Variants in LHFPL2 observed in about 807,000 individuals in gnomAD.
The protein encoded by LHFPL2 is LHFPL tetraspan subfamily member 2, also known as LHFPL tetraspan subfamily member 2 protein.
A neutral mutation model predicts 17.5 loss-of-function variants in LHFPL2; 7 were observed. The ratio of observed to expected loss-of-function variants is 0.40; its 90% CI spans 0.23 to 0.75. The LOEUF is 0.75. LHFPL2 is among the 30% of genes least tolerant of loss of function. The pLI is 0.37. For synonymous variants in LHFPL2, 134 were observed against 116.2 expected (o/e 1.15, Z -0.99); for missense variants, 241 against 294.8 (o/e 0.82, Z 1.34).
intron 4 of LHFPL2, chr5:78,494,519 G>C (rs1239725193): frequency 1.0e-6 from 1 of 985,270 alleles, no homozygotes; most frequent in African/African-American, 1.7e-5. Context: ...GGGATCACAT[G>C]ATTCAACCTT....
At chr5:78,504,475 T>C (rs1056072900) in intron 4 of LHFPL2, among the ~76,000 whole-genome samples, 1 of 152,118 alleles carries the variant, frequency 6.6e-6, no homozygotes, top group Non-Finnish European at 1.5e-5. Flanking sequence ...AGATCAGTCA[T>C]GGGGTTGGGC....
In LHFPL2 at chr5:78,543,628, C is replaced by T. The variant is rs182918398; in HGVS notation, c.-186+21185G>A. ...CTGGCTGCAGGGATGAGGTCAGGAG[C>T]CAGCAAAGCCCAGGGCAGCCCCACT... On this transcript the variant is annotated intron_variant, in intron 3 of 4. Coordinates refer to ENST00000380345, the MANE Select transcript of LHFPL2 (RefSeq NM_005779.3). 2.1e-3 allele frequency among the ~76,000 whole-genome samples: 314 copies of T among 152,264 alleles called. 1 individual carries two copies. Among genetic ancestry groups the T allele is most frequent in the African/African-American group, 7.1e-3 (295 of 41,552 alleles).
chr5:78,496,347 G>T (rs895846503), intron 4 of LHFPL2, among the ~76,000 whole-genome samples: 1 of 152,206 alleles, frequency 6.6e-6, no homozygotes, highest in Non-Finnish European at 1.5e-5. Context: ...TGCTAGGTGT[G>T]TCACACAACT....
At chr5:78,505,241 C>A (rs1008156086) in intron 4 of LHFPL2, among the ~76,000 whole-genome samples, 2 of 152,248 alleles carry the variant, frequency 1.3e-5, no homozygotes, top group African/African-American at 4.8e-5. Context: ...AAAAAGCCAA[C>A]CCTGCTGGCT....
At chr5:78,644,526 C>A in intron 1 of LHFPL2, 1 of 588,486 alleles carries the variant, frequency 1.7e-6, no homozygotes, top group Non-Finnish European at 3.1e-6. Flanking sequence ...TTGGGCGACA[C>A]TCAGAATAGA....
At chr5:78,613,000 G>C (rs1389936425) in intron 2 of LHFPL2, among the ~76,000 whole-genome samples, 2 of 152,300 alleles carry the variant, frequency 1.3e-5, no homozygotes, top group Non-Finnish European at 1.5e-5. Flanking sequence ...TCTCCTGGTA[G>C]ACAAAGCACC....
rs564209098 is a variant in LHFPL2 at position 78,529,205 on chromosome 5, G to A, written c.-185-18807C>T. Among the ~76,000 whole-genome samples, 4 of 152,268 alleles carry A rather than the reference G, an allele frequency of 2.6e-5. No homozygotes were observed. The East Asian group carries it at 7.7e-4, about 29-fold the overall frequency. On this transcript the variant is annotated intron_variant, in intron 3 of 4. Transcript: ENST00000380345. ...GGAGGCTGAGGTGGGAGGATCACTT[G>A]AGCCCAGGGGTTCAAGGCTGCAGTG...
chr5:78,503,634 G>A (rs150839667), intron 4 of LHFPL2, among the ~76,000 whole-genome samples: 2 of 152,150 alleles, frequency 1.3e-5, no homozygotes, highest in South Asian at 4.1e-4. Context: ...GGAGGCAGAG[G>A]TTGCAGTGAG....
At chr5:78,506,615 C>A (rs767902492) in intron 4 of LHFPL2, among the ~76,000 whole-genome samples, 3 of 152,220 alleles carry the variant, frequency 2.0e-5, no homozygotes, top group Non-Finnish European at 4.4e-5. Flanking sequence ...GATTCAAGAA[C>A]CACAGCTGCC....
chr5:78,534,922 T>A (rs1223763998), intron 3 of LHFPL2, among the ~76,000 whole-genome samples: 1 of 152,188 alleles, frequency 6.6e-6, no homozygotes, highest in East Asian at 1.9e-4. Context: ...AACTTCAGCT[T>A]TGCAGATCTT....
At position 78,486,922 on chromosome 5, in the gene LHFPL2, TTG is replaced by T. The variant is rs762318679; in HGVS notation, c.*1973_*1974del. The T allele has an allele frequency of 9.2e-5, 14 of 152,296 alleles. No homozygotes were observed. Among genetic ancestry groups the T allele is most frequent in the Middle Eastern group, 3.4e-3 (1 of 294 alleles). The allele number at this position is 152,296 out of a possible 1,614,324, so 9.4% of individuals were successfully genotyped here. On this transcript the variant is annotated 3_prime_UTR_variant, in exon 5 of 5. Coordinates refer to ENST00000380345, the MANE Select transcript of LHFPL2 (RefSeq NM_005779.3). Reference sequence around the variant, plus strand: ...CTTCTGATAAGTTTATGGAAAAATTTTGTGTTTTTCATCAAGGTTTGAGACTT... The same window carrying T: ...CTTCTGATAAGTTTATGGAAAAATTTTGTTTTTCATCAAGGTTTGAGACTT...
At chr5:78,528,693 T>C (rs1417655358) in intron 3 of LHFPL2, among the ~76,000 whole-genome samples, 1 of 152,226 alleles carries the variant, frequency 6.6e-6, no homozygotes, top group Admixed American at 6.5e-5. Context: ...GTTATGTATG[T>C]GTACCCACTA....
In LHFPL2 at chr5:78,497,880, C is replaced by T. The variant is rs143112877; in HGVS notation, c.431-8727G>A. On this transcript the variant is annotated intron_variant, in intron 4 of 4. Transcript: ENST00000380345. The stretch of plus-strand genomic sequence containing the variant: ...AGTAGTCAGTTGATTAAATGTAATA[C>T]ACTTTCAGGTATCTAGACACCAGCC... 2.0e-5 allele frequency among the ~76,000 whole-genome samples: 3 copies of T among 152,354 alleles called. No individual in the cohort carries two copies. In the East Asian group the frequency reaches 5.8e-4, roughly 29 times the overall value.
At chr5:78,617,110 C>T (rs989093847) in intron 2 of LHFPL2, among the ~76,000 whole-genome samples, 1 of 151,584 alleles carries the variant, frequency 6.6e-6, no homozygotes, top group Non-Finnish European at 1.5e-5. Flanking sequence ...CTCACTACAA[C>T]CTCCGCCTCC....
chr5:78,496,984 T>C (rs1754627428), intron 4 of LHFPL2, among the ~76,000 whole-genome samples: 1 of 152,230 alleles, frequency 6.6e-6, no homozygotes. Context: ...CAGATGTGCA[T>C]ATCCAGCTGT....
chr5:78,618,442 T>C (rs1379766463), intron 2 of LHFPL2, among the ~76,000 whole-genome samples: 2 of 152,164 alleles, frequency 1.3e-5, no homozygotes, highest in African/African-American at 4.8e-5. Flanking sequence ...ATTCGGCCGG[T>C]GGACGGGCTG....
chr5:78,506,663 T>C (rs1455352552), intron 4 of LHFPL2, among the ~76,000 whole-genome samples: 1 of 152,130 alleles, frequency 6.6e-6, no homozygotes, highest in Non-Finnish European at 1.5e-5. Flanking sequence ...AGACCTCCAA[T>C]AGGGGAGAAA....
intron 4 of LHFPL2, among the ~76,000 whole-genome samples, chr5:78,492,111 A>G (rs11952677): frequency 0.2 from 29,946 of 152,074 alleles, 3,910 homozygotes; most frequent in Non-Finnish European, 0.28. Context: ...CCAGGTCCTA[A>G]GGTGCCACTC....
At chr5:78,550,317 G>T (rs540156584) in intron 3 of LHFPL2, among the ~76,000 whole-genome samples, 1 of 152,184 alleles carries the variant, frequency 6.6e-6, no homozygotes, top group East Asian at 1.9e-4. Flanking sequence ...ATGAGAACAT[G>T]ATGATCCCAA....
Sources: gnomAD v4.1 joint callset for allele counts (sites outside exome capture counted in the v4.1 genomes callset) on GRCh38, gnomAD v4.1.1 for gene constraint, MANE v1.5 for transcripts, NCBI Gene and HGNC (gene_info 2026-07-23, HGNC 2026-07-21) for gene names.